ABCA12: variants seen among roughly 807,000 people sequenced by gnomAD.
ABCA12 encodes ATP binding cassette subfamily A member 12, also known as glucosylceramide transporter ABCA12.
ABCA12 carries 156 observed loss-of-function variants against 293.5 expected under a neutral mutation model. That is an observed-to-expected ratio of 0.53 (90% CI 0.47 to 0.61). The LOEUF is 0.61. Among genes scored for constraint, ABCA12 ranks in the 20% least tolerant of loss-of-function variants. The probability of loss-of-function intolerance (pLI) is 0.00; values close to 1 mark genes in which losing one functional copy is unlikely to be tolerated. For synonymous variants in ABCA12, 1,063 were observed against 1,108.0 expected (o/e 0.96, Z 0.81); for missense variants, 2,797 against 3,090.2 (o/e 0.91, Z 2.25).
chr2:214,976,510 T>G (rs2105959219), intron 33 of ABCA12, among the ~76,000 whole-genome samples: 1 of 152,300 alleles, frequency 6.6e-6, no homozygotes, highest in Admixed American at 6.5e-5. Context: ...TGTGAGTAAC[T>G]TAGTGACTGT....
intron 15 of ABCA12, among the ~76,000 whole-genome samples, chr2:215,013,939 G>C (rs1700432717): frequency 6.6e-6 from 1 of 152,192 alleles, no homozygotes; most frequent in African/African-American, 2.4e-5. Context: ...CCAGCACTTT[G>C]GGAGGCCAAG....
chr2:214,979,369 T>G (rs1000617948), intron 31 of ABCA12, among the ~76,000 whole-genome samples: 5 of 152,148 alleles, frequency 3.3e-5, no homozygotes, highest in Non-Finnish European at 7.4e-5. Flanking sequence ...TACCTCCAGA[T>G]AGCGATGTGT....
At chr2:215,055,475 G>C (rs1701402985) in intron 3 of ABCA12, among the ~76,000 whole-genome samples, 1 of 151,968 alleles carries the variant, frequency 6.6e-6, no homozygotes, top group African/African-American at 2.4e-5. Flanking sequence ...AAGTATGTAT[G>C]TTTCAAAAAT....
chr2:215,002,660 T>C (rs142170415), intron 20 of ABCA12, among the ~76,000 whole-genome samples: 166 of 152,250 alleles, frequency 1.1e-3, no homozygotes, highest in African/African-American at 3.8e-3. Flanking sequence ...TTACTTGATG[T>C]AGATGTTGGT....
chr2:215,071,466 T>A (rs1017395042), intron 2 of ABCA12, among the ~76,000 whole-genome samples: 1 of 151,962 alleles, frequency 6.6e-6, no homozygotes, highest in African/African-American at 2.4e-5. Flanking sequence ...TAGAACTATA[T>A]GATAGATTAC....
At chr2:215,000,198 T>C (rs538907316) in intron 22 of ABCA12, among the ~76,000 whole-genome samples, 4 of 152,342 alleles carry the variant, frequency 2.6e-5, no homozygotes, top group East Asian at 1.9e-4. Flanking sequence ...TGATAATACA[T>C]GAAAGTTTCA....
chr2:215,068,981 C>T (rs1701685494), intron 2 of ABCA12, among the ~76,000 whole-genome samples: 1 of 152,088 alleles, frequency 6.6e-6, no homozygotes, highest in African/African-American at 2.4e-5. Flanking sequence ...TCATTAGGCT[C>T]CAGAAATATT....
chr2:215,031,779 C>A, intron 9 of ABCA12, 42 bp downstream of exon 9: 1 of 1,611,894 alleles, frequency 6.2e-7, no homozygotes, highest in South Asian at 1.1e-5. Context: ...ATTGTTTATT[C>A]AGCCAAGTTA....
At chr2:214,999,544 G>A (rs1215660824) in intron 22 of ABCA12, among the ~76,000 whole-genome samples, 1 of 152,148 alleles carries the variant, frequency 6.6e-6, no homozygotes, top group South Asian at 2.1e-4. Flanking sequence ...AAGGCATAAT[G>A]AACATATTCC....
chr2:215,048,131 A>G (rs940420491), intron 6 of ABCA12, among the ~76,000 whole-genome samples: 27 of 152,282 alleles, frequency 1.8e-4, no homozygotes, highest in African/African-American at 6.5e-4. Context: ...GCCATCTCAC[A>G]CCAGTCAGAA....
intron 1 of ABCA12, among the ~76,000 whole-genome samples, chr2:215,124,081 A>T (rs59006786): frequency 0.082 from 12,437 of 152,132 alleles, 1,156 homozygotes; most frequent in African/African-American, 0.23. Context: ...TATCCAGGTC[A>T]CTGCAAATGC....
intron 3 of ABCA12, among the ~76,000 whole-genome samples, chr2:215,057,992 CAT>C (rs1701452717): frequency 6.6e-6 from 1 of 152,014 alleles, no homozygotes; most frequent in African/African-American, 2.4e-5. Flanking sequence ...GATTATGGTA[CAT>C]TAATGAGAAT....
At chr2:215,134,180 G>A (rs16853404) in intron 1 of ABCA12, among the ~76,000 whole-genome samples, 5,677 of 150,546 alleles carry the variant, frequency 0.038, 334 homozygotes, top group African/African-American at 0.13. Flanking sequence ...CCTGTTTCTC[G>A]GATTGTATAG....
At position 214,942,896 on chromosome 2, in the gene ABCA12, A is replaced by G. The variant is rs769235042; in HGVS notation, c.7436+29T>C. 2.5e-6 allele frequency: 4 copies of G among 1,581,466 alleles called. No individual in the cohort carries two copies. In the South Asian group the frequency reaches 3.3e-5, roughly 13 times the overall value. ...ACCATTAGATAGATGACCCAACACT[A>G]TCTGTTAAGCAATGCATTTGTTCTT... On this transcript the variant is annotated intron_variant, in intron 50 of 52. Coordinates refer to ENST00000272895, the MANE Select transcript of ABCA12 (RefSeq NM_173076.3).
In ABCA12 at chr2:215,138,606, T is replaced by G. The variant is rs552975434; in HGVS notation, c.-398A>C. ...CTGAACCCACACCTCCTACTCTCCA[T>G]GAAATTAATTGCCTATCCACACCTT... On this transcript the variant is annotated 5_prime_UTR_variant, in exon 1 of 53. An upstream start codon of the reference 5' UTR is lost. Coordinates refer to ENST00000272895, the MANE Select transcript of ABCA12 (RefSeq NM_173076.3). 6.6e-6 allele frequency among the ~76,000 whole-genome samples: 1 copy of G among 150,446 alleles called. No individual in the cohort carries two copies. Among genetic ancestry groups the G allele is most frequent in the Admixed American group, 6.6e-5 (1 of 15,136 alleles).
chr2:214,966,768 G>C, intron 39 of ABCA12, 80 bp downstream of exon 39: 1 of 1,321,704 alleles, frequency 7.6e-7, no homozygotes, highest in Non-Finnish European at 1.1e-6. Context: ...CACCTGTGAA[G>C]AAACAGGATA....
At position 214,966,837 on chromosome 2, in the gene ABCA12, A is replaced by C; in HGVS notation, c.5884+11T>G. The C allele has an allele frequency of 6.2e-7, 1 of 1,612,808 alleles. No homozygotes were observed. Among genetic ancestry groups the C allele is most frequent in the East Asian group, 2.2e-5 (1 of 44,840 alleles). On this transcript the variant is annotated intron_variant, in intron 39 of 52. Transcript: ENST00000272895. The stretch of plus-strand genomic sequence containing the variant: ...TTGCAATACAGGACACTTTTGTGTT[A>C]GTAACTTTACCATGTCGGGCAGCAT...
chr2:214,970,508 T>G, intron 36 of ABCA12, 108 bp from the exon 37 acceptor site: 1 of 1,254,624 alleles, frequency 8.0e-7, no homozygotes, highest in Non-Finnish European at 1.2e-6. Context: ...CTGCAACTGG[T>G]AGAGTGTGAT....
At chr2:215,011,374 CAG>C in intron 17 of ABCA12, 63 bp downstream of exon 17, 1 of 1,217,288 alleles carries the variant, frequency 8.2e-7, no homozygotes, top group Admixed American at 1.8e-5. Context: ...AAAACTAAGA[CAG>C]AATAGACAGT....
Sources: allele counts gnomAD v4.1 joint callset (sites outside exome capture counted in the v4.1 genomes callset), GRCh38; gene constraint gnomAD v4.1.1; transcripts MANE v1.5; gene names NCBI Gene and HGNC (gene_info 2026-07-23, HGNC 2026-07-21).